Variants in CFAP107 observed in about 807,000 individuals in gnomAD.
The protein encoded by CFAP107 is cilia- and flagella-associated protein 107.
chr1:12,749,633 A>C, the CFAP107 span, among the ~76,000 whole-genome samples: 154 of 147,836 alleles, frequency 1.0e-3, 1 homozygote, highest in Admixed American at 3.2e-3. Context: ...ACACAAAAAA[A>C]CAAAAACAGA....
At chr1:12,759,372 C>T in the CFAP107 span, 3 of 1,614,156 alleles carry the variant, frequency 1.9e-6, no homozygotes, top group Non-Finnish European at 2.5e-6. Context: ...ACCTGATCAG[C>T]ACCTATGACG....
the CFAP107 span, chr1:12,759,481 C>A: frequency 2.7e-5 from 44 of 1,614,022 alleles, no homozygotes; most frequent in Non-Finnish European, 3.7e-5. Context: ...TGACTTTCCC[C>A]TTCTTGGTAC....
chr1:12,755,428 G>C, the CFAP107 span, among the ~76,000 whole-genome samples: 1 of 151,586 alleles, frequency 6.6e-6, no homozygotes, highest in African/African-American at 2.4e-5. Flanking sequence ...AGGAGGCAAA[G>C]AGGAGAGAAG....
the CFAP107 span, among the ~76,000 whole-genome samples, chr1:12,748,410 CT>C: frequency 3.4e-5 from 5 of 145,618 alleles, no homozygotes; most frequent in South Asian, 2.3e-4. Flanking sequence ...AGGGGTGAGA[CT>C]TTTTTTTGGA....
the CFAP107 span, chr1:12,746,693 T>A: frequency 1.6e-6 from 1 of 611,774 alleles, no homozygotes. Flanking sequence ...AAAGGATAGT[T>A]ACATTCAAGC....
At chr1:12,752,649 A>C in the CFAP107 span, among the ~76,000 whole-genome samples, 1 of 151,630 alleles carries the variant, frequency 6.6e-6, no homozygotes, top group African/African-American at 2.4e-5. Flanking sequence ...CACAATGTAG[A>C]AAAAGCATTG....
chr1:12,759,556 C>T, the CFAP107 span: 1 of 1,565,142 alleles, frequency 6.4e-7, no homozygotes, highest in African/African-American at 1.4e-5. Flanking sequence ...GGAGCTGTAC[C>T]TGCCTCATGC....
the CFAP107 span, among the ~76,000 whole-genome samples, chr1:12,756,161 ATGTATTTGGACAAACAGTGT>A: frequency 1.3e-5 from 2 of 152,322 alleles, no homozygotes; most frequent in Middle Eastern, 3.4e-3. Flanking sequence ...GCTGGCAGTG[ATGTATTTGGACAAACAGTGT>A]TGTGTATTAT....
At chr1:12,761,015 C>A in the CFAP107 span, 1 of 1,445,718 alleles carries the variant, frequency 6.9e-7, no homozygotes. Flanking sequence ...ACTGGACTTG[C>A]CAGACAACAA....
chr1:12,757,993 C>T, the CFAP107 span, among the ~76,000 whole-genome samples: 1 of 152,174 alleles, frequency 6.6e-6, no homozygotes, highest in African/African-American at 2.4e-5. Context: ...AGAGACCTCC[C>T]CTAGGGCCCA....
chr1:12,752,905 G>A, the CFAP107 span, among the ~76,000 whole-genome samples: 1 of 152,054 alleles, frequency 6.6e-6, no homozygotes, highest in East Asian at 1.9e-4. Flanking sequence ...AAATTGGAAA[G>A]GAAAATGTAA....
At chr1:12,749,800 A>G in the CFAP107 span, among the ~76,000 whole-genome samples, 2 of 152,222 alleles carry the variant, frequency 1.3e-5, no homozygotes, top group Non-Finnish European at 2.9e-5. Context: ...TCCCAGATAA[A>G]CAAAAGCTGA....
chr1:12,755,648 A>T, the CFAP107 span: 1 of 1,253,756 alleles, frequency 8.0e-7, no homozygotes, highest in Non-Finnish European at 1.2e-6. Context: ...ACCCAGCAGA[A>T]GTTTGAGAAG....
the CFAP107 span, among the ~76,000 whole-genome samples, chr1:12,757,905 C>T: frequency 6.6e-6 from 1 of 152,112 alleles, no homozygotes; most frequent in Non-Finnish European, 1.5e-5. Context: ...TCCCCAACCG[C>T]CTCCTTTATC....
At chr1:12,759,270 G>A in the CFAP107 span, 26 of 1,602,178 alleles carry the variant, frequency 1.6e-5, no homozygotes, top group African/African-American at 2.5e-4. Flanking sequence ...TGGATGCTTC[G>A]CTCCTATCAG....
chr1:12,754,198 G>A, the CFAP107 span, among the ~76,000 whole-genome samples: 1 of 152,136 alleles, frequency 6.6e-6, no homozygotes, highest in Non-Finnish European at 1.5e-5. Flanking sequence ...CAAGCAACCT[G>A]ATTAAAAAAT....
the CFAP107 span, chr1:12,755,856 C>A: frequency 2.2e-6 from 3 of 1,394,370 alleles, no homozygotes; most frequent in African/African-American, 1.4e-5. Flanking sequence ...CTGGACCCCA[C>A]CCAAAGCTCA....
chr1:12,752,555 TAAAAAAAAA>T, the CFAP107 span, among the ~76,000 whole-genome samples: 6 of 46,666 alleles, frequency 1.3e-4, no homozygotes, highest in African/African-American at 1.7e-4. Context: ...CGACTCTGTC[TAAAAAAAAA>T]AAAAAAAAAA....
chr1:12,749,839 G>T, the CFAP107 span, among the ~76,000 whole-genome samples: 1 of 152,148 alleles, frequency 6.6e-6, no homozygotes, highest in South Asian at 2.1e-4. Context: ...GACCTACCTT[G>T]CAAGGAAGAC....
Sources: gnomAD v4.1 joint callset for allele counts (sites outside exome capture counted in the v4.1 genomes callset) on GRCh38, gnomAD v4.1.1 for gene constraint, MANE v1.5 for transcripts, NCBI Gene and HGNC (gene_info 2026-07-23, HGNC 2026-07-21) for gene names.